SH3RF3: variants seen among roughly 807,000 people sequenced by gnomAD.
The protein encoded by SH3RF3 is SH3 domain containing ring finger 3.
SH3RF3 carries 29 observed loss-of-function variants against 66.3 expected under a neutral mutation model. The observed-to-expected ratio is 0.44, with a 90% confidence interval of 0.33 to 0.60. The LOEUF is 0.60. Among genes scored for constraint, SH3RF3 ranks in the 20% least tolerant of loss-of-function variants. The pLI, the probability that SH3RF3 is intolerant of heterozygous loss-of-function variation, is 0.04. For missense variants in SH3RF3, 1,194 were observed against 1,190.9 expected (o/e 1.00, Z -0.04); for synonymous variants, 583 against 532.0 (o/e 1.10, Z -1.32).
intron 8 of SH3RF3, among the ~76,000 whole-genome samples, chr2:109,481,228 TCC>T (rs1175868219): frequency 6.6e-6 from 1 of 151,774 alleles, no homozygotes. Flanking sequence ...GTGGCGAGGG[TCC>T]CCCCACACAG....
intron 1 of SH3RF3, among the ~76,000 whole-genome samples, chr2:109,143,777 A>G (rs1020093534): frequency 1.3e-5 from 2 of 150,150 alleles, no homozygotes; most frequent in African/African-American, 4.9e-5. Context: ...CAAACAAACA[A>G]ACAAACAAAA....
chr2:109,494,383 C>A (rs1679201980), intron 9 of SH3RF3, among the ~76,000 whole-genome samples: 1 of 152,154 alleles, frequency 6.6e-6, no homozygotes, highest in Admixed American at 6.5e-5. Context: ...TCATGAGCCC[C>A]AGAAGTGCCC....
intron 1 of SH3RF3, among the ~76,000 whole-genome samples, chr2:109,239,328 A>G (rs188163873): frequency 3.9e-5 from 6 of 152,270 alleles, no homozygotes; most frequent in Admixed American, 3.9e-4. Context: ...CTATAGGAGT[A>G]TTTTTGTTAA....
chr2:109,218,115 A>G (rs1209524226), intron 1 of SH3RF3, among the ~76,000 whole-genome samples: 2 of 151,514 alleles, frequency 1.3e-5, no homozygotes, highest in Admixed American at 6.6e-5. Context: ...GAAACTGAGT[A>G]GAGACAGAAA....
chr2:109,482,877 G>A (rs971062106), intron 8 of SH3RF3, among the ~76,000 whole-genome samples: 5 of 152,158 alleles, frequency 3.3e-5, no homozygotes, highest in Non-Finnish European at 5.9e-5. Context: ...GCTGCCTCCC[G>A]TTCCCTGCTA....
At chr2:109,154,216 G>A (rs562630836) in intron 1 of SH3RF3, among the ~76,000 whole-genome samples, 9 of 152,324 alleles carry the variant, frequency 5.9e-5, no homozygotes, top group African/African-American at 2.2e-4. Context: ...TAGCATCCAT[G>A]TGGTGCTTTC....
chr2:109,231,382 C>T (rs777890573), intron 1 of SH3RF3, among the ~76,000 whole-genome samples: 1 of 152,228 alleles, frequency 6.6e-6, no homozygotes, highest in Admixed American at 6.5e-5. Context: ...GTTATCACCA[C>T]GTTCATGTTG....
chr2:109,237,809 T>C (rs1321899748), intron 1 of SH3RF3, among the ~76,000 whole-genome samples: 1 of 152,224 alleles, frequency 6.6e-6, no homozygotes, highest in Non-Finnish European at 1.5e-5. Flanking sequence ...ACAAATACTT[T>C]CTACACAAAG....
intron 2 of SH3RF3, among the ~76,000 whole-genome samples, chr2:109,366,085 TA>T (rs1683146381): frequency 6.6e-6 from 1 of 152,150 alleles, no homozygotes; most frequent in Admixed American, 6.5e-5. Flanking sequence ...AAAGAAAAAA[TA>T]AATATAAAAG....
rs1558914740 is a variant in SH3RF3 at position 109,129,371 on chromosome 2, TCG to T, written c.-169_-168del. On this transcript the variant is annotated 5_prime_UTR_variant, in exon 1 of 10. Transcript: ENST00000309415. The stretch of plus-strand genomic sequence containing the variant: ...GGCCGGTCCCCGCCACGCAGGCCGG[TCG>T]GTGAGCCACTTCGCACCGCCACAGC... The T allele has an allele frequency of 1.6e-5, 14 of 873,796 alleles. No individual in the cohort carries two copies. Among genetic ancestry groups the T allele is most frequent in the South Asian group, 3.0e-5 (2 of 66,520 alleles). The allele number at this position is 873,796 out of a possible 1,614,324, so 54.1% of individuals were successfully genotyped here.
At chr2:109,158,111 G>T (rs1250875988) in intron 1 of SH3RF3, among the ~76,000 whole-genome samples, 1 of 152,090 alleles carries the variant, frequency 6.6e-6, no homozygotes, top group African/African-American at 2.4e-5. Context: ...GTGGCAAGAG[G>T]GTCCCATAGC....
At chr2:109,286,729 C>T (rs1437689713) in intron 1 of SH3RF3, among the ~76,000 whole-genome samples, 1 of 152,192 alleles carries the variant, frequency 6.6e-6, no homozygotes, top group Admixed American at 6.5e-5. Context: ...TTCCCAGTAC[C>T]TTTGGGAGTG....
rs771205566 is a variant in SH3RF3 at position 109,437,076 on chromosome 2, C to T, written c.1758C>T (p.Pro586=). The T allele has an allele frequency of 1.9e-6, 3 of 1,613,724 alleles. No homozygotes were observed. Among genetic ancestry groups the T allele is most frequent in the South Asian group, 1.1e-5 (1 of 91,052 alleles). Reference sequence around the variant, plus strand: ...ACGCCCAGCACCCCACAGCCTCGCCCCCAACAGGCAGCTGTCTACGGCACT... The same window carrying T: ...ACGCCCAGCACCCCACAGCCTCGCCTCCAACAGGCAGCTGTCTACGGCACT... The part of the protein sequence containing the change: ...QAHAQHPTAS[P]PTGSCLRHSA... The change falls in exon 7 of 10, where the codon CCC becomes CCT. Residue 586 remains proline, a synonymous_variant. Transcript: ENST00000309415.
At chr2:109,316,503 A>G (rs1681886557) in intron 1 of SH3RF3, among the ~76,000 whole-genome samples, 1 of 152,216 alleles carries the variant, frequency 6.6e-6, no homozygotes, top group South Asian at 2.1e-4. Context: ...GAGAGAACTT[A>G]TCACTCCTCT....
chr2:109,212,317 G>C (rs1679005152), intron 1 of SH3RF3, among the ~76,000 whole-genome samples: 1 of 152,234 alleles, frequency 6.6e-6, no homozygotes, highest in Non-Finnish European at 1.5e-5. Context: ...AGGAGGGGCA[G>C]TTTTCAATTA....
At chr2:109,138,085 G>T (rs1457319228) in intron 1 of SH3RF3, among the ~76,000 whole-genome samples, 1 of 152,178 alleles carries the variant, frequency 6.6e-6, no homozygotes. Context: ...GCACGATCTC[G>T]ACTCACTGCT....
intron 8 of SH3RF3, among the ~76,000 whole-genome samples, chr2:109,472,150 C>T (rs977717246): frequency 6.6e-6 from 1 of 152,198 alleles, no homozygotes; most frequent in African/African-American, 2.4e-5. Context: ...CACCTGTGAC[C>T]TCATGGTAGC....
chr2:109,323,018 C>T (rs1414247717), intron 1 of SH3RF3, among the ~76,000 whole-genome samples: 1 of 152,188 alleles, frequency 6.6e-6, no homozygotes, highest in African/African-American at 2.4e-5. Context: ...GAGGGATTTT[C>T]TTATACCCCT....
intron 1 of SH3RF3, among the ~76,000 whole-genome samples, chr2:109,303,383 G>A (rs1471812583): frequency 1.3e-5 from 2 of 152,216 alleles, no homozygotes; most frequent in Non-Finnish European, 2.9e-5. Context: ...CCACTTTGGG[G>A]GCCAGACTTT....
Sources: allele counts gnomAD v4.1 joint callset (sites outside exome capture counted in the v4.1 genomes callset), GRCh38; gene constraint gnomAD v4.1.1; transcripts MANE v1.5; gene names NCBI Gene and HGNC (gene_info 2026-07-23, HGNC 2026-07-21).